Variants in SGCZ observed in about 807,000 individuals in gnomAD.
SGCZ encodes sarcoglycan zeta.
Under a neutral mutation model 41.3 loss-of-function variants are expected in SGCZ, and 40 were observed. The ratio of observed to expected loss-of-function variants is 0.97; its 90% CI spans 0.75 to 1.26. The LOEUF is 1.26. Ranked by LOEUF, SGCZ falls within the 50% of genes most tolerant of loss-of-function variation. The pLI, the probability that SGCZ is intolerant of heterozygous loss-of-function variation, is 0.00. For synonymous variants in SGCZ, 206 were observed against 137.5 expected (o/e 1.50, Z -3.49); for missense variants, 552 against 369.8 (o/e 1.49, Z -4.04).
rs185650473 is a variant in SGCZ, at chr8:14,648,020, A to G, written c.40-93094T>C. Among the ~76,000 whole-genome samples the G allele has an allele frequency of 1.9e-3, 295 of 152,112 alleles. 2 individuals carry two copies. Among genetic ancestry groups the G allele is most frequent in the African/African-American group, 6.8e-3 (284 of 41,538 alleles). Reference sequence around the variant, plus strand: ...GCAAAGAGGAGCCCTCATTTCCCAGAGGGAGGTACCCTGAACTTGACTTTG... The same window carrying G: ...GCAAAGAGGAGCCCTCATTTCCCAGGGGGAGGTACCCTGAACTTGACTTTG... On this transcript the variant is annotated intron_variant, in intron 1 of 7. Coordinates refer to ENST00000382080, the MANE Select transcript of SGCZ (RefSeq NM_139167.4).
intron 1 of SGCZ, among the ~76,000 whole-genome samples, chr8:14,580,636 T>A (rs775219121): frequency 5.3e-5 from 8 of 152,232 alleles, no homozygotes; most frequent in Non-Finnish European, 1.0e-4. Context: ...ATCAGAGTTA[T>A]CTTTATCAAT....
intron 5 of SGCZ, among the ~76,000 whole-genome samples, chr8:14,108,713 G>T (rs992516142): frequency 1.3e-5 from 2 of 152,194 alleles, no homozygotes; most frequent in African/African-American, 2.4e-5. Flanking sequence ...CCGTATCACA[G>T]GATATGAATG....
At chr8:14,199,129 T>G (rs1260719473) in intron 4 of SGCZ, among the ~76,000 whole-genome samples, 1 of 152,208 alleles carries the variant, frequency 6.6e-6, no homozygotes, top group African/African-American at 2.4e-5. Flanking sequence ...CATATTTCTC[T>G]TCTTTCAAAA....
At chr8:14,687,402 T>A (rs891910086) in intron 1 of SGCZ, among the ~76,000 whole-genome samples, 7 of 148,110 alleles carry the variant, frequency 4.7e-5, no homozygotes, top group Non-Finnish European at 1.0e-4. Context: ...TGTCCATGTG[T>A]TCTCATTGTT....
chr8:14,471,969 G>A (rs1399736127), intron 2 of SGCZ, among the ~76,000 whole-genome samples: 1 of 151,896 alleles, frequency 6.6e-6, no homozygotes, highest in African/African-American at 2.4e-5. Flanking sequence ...CTGAATTTCC[G>A]AATCTCATTT....
At chr8:14,456,343 G>C (rs539511287) in intron 2 of SGCZ, among the ~76,000 whole-genome samples, 39 of 152,302 alleles carry the variant, frequency 2.6e-4, no homozygotes, top group Non-Finnish European at 4.3e-4. Flanking sequence ...GGGAGGCAGA[G>C]GTTGCAGAGA....
At chr8:14,972,868 A>G (rs1310732380) in intron 1 of SGCZ, among the ~76,000 whole-genome samples, 1 of 152,192 alleles carries the variant, frequency 6.6e-6, no homozygotes, top group Non-Finnish European at 1.5e-5. Flanking sequence ...ACTTTTCTTT[A>G]AACAACTATA....
chr8:14,845,433 C>G (rs1458032278), intron 1 of SGCZ, among the ~76,000 whole-genome samples: 2 of 152,102 alleles, frequency 1.3e-5, no homozygotes, highest in Admixed American at 1.3e-4. Context: ...TTTCACAATG[C>G]CTGAAAACTA....
chr8:14,552,816 A>G (rs1163550230), intron 2 of SGCZ, among the ~76,000 whole-genome samples: 2 of 152,042 alleles, frequency 1.3e-5, no homozygotes, highest in Non-Finnish European at 2.9e-5. Context: ...TTTCCTAATT[A>G]ATTTAAATAT....
At chr8:14,251,598 A>G (rs1471827747) in intron 3 of SGCZ, among the ~76,000 whole-genome samples, 2 of 152,228 alleles carry the variant, frequency 1.3e-5, no homozygotes, top group African/African-American at 2.4e-5. Context: ...TTTGGAAACC[A>G]AAGTTATAGC....
At chr8:15,182,382 G>T (rs268362) in intron 1 of SGCZ, among the ~76,000 whole-genome samples, 1 of 151,812 alleles carries the variant, frequency 6.6e-6, no homozygotes, top group Non-Finnish European at 1.5e-5. Flanking sequence ...AACAACATAG[G>T]GTATACTTAA....
At chr8:14,335,812 T>G (rs533247977) in intron 2 of SGCZ, among the ~76,000 whole-genome samples, 23 of 152,280 alleles carry the variant, frequency 1.5e-4, no homozygotes, top group African/African-American at 4.8e-4. Flanking sequence ...TATTTGTTTG[T>G]GTGTCAGCTT....
intron 2 of SGCZ, among the ~76,000 whole-genome samples, chr8:14,325,612 A>C (rs1390625660): frequency 6.8e-6 from 1 of 147,188 alleles, no homozygotes; most frequent in African/African-American, 2.5e-5. Flanking sequence ...GATTATATAT[A>C]ATATATAGTT....
intron 3 of SGCZ, among the ~76,000 whole-genome samples, chr8:14,245,571 C>A (rs993491964): frequency 1.3e-5 from 2 of 152,068 alleles, no homozygotes; most frequent in Non-Finnish European, 1.5e-5. Flanking sequence ...AAAGCAATGG[C>A]AACAAAAGCC....
At chr8:14,347,106 T>TA (rs377544896) in intron 2 of SGCZ, among the ~76,000 whole-genome samples, 244 of 152,230 alleles carry the variant, frequency 1.6e-3, no homozygotes, top group African/African-American at 5.6e-3. Flanking sequence ...AATTTCCCAT[T>TA]AACATTCTAG....
intron 1 of SGCZ, among the ~76,000 whole-genome samples, chr8:15,109,980 A>G (rs1007728026): frequency 1.3e-5 from 2 of 152,240 alleles, no homozygotes; most frequent in African/African-American, 4.8e-5. Flanking sequence ...AAATAATTTT[A>G]AAAATAAAGG....
chr8:14,201,634 T>A (rs924544856), intron 4 of SGCZ, among the ~76,000 whole-genome samples: 60 of 151,966 alleles, frequency 3.9e-4, no homozygotes, highest in African/African-American at 1.3e-3. Flanking sequence ...GTCAGGGGAG[T>A]GGATGCTAGG....
At chr8:15,072,939 C>T (rs1339457970) in intron 1 of SGCZ, among the ~76,000 whole-genome samples, 1 of 152,124 alleles carries the variant, frequency 6.6e-6, no homozygotes, top group Non-Finnish European at 1.5e-5. Flanking sequence ...TGATTGTCCA[C>T]AGAGATGCAG....
At chr8:14,092,686 T>G (rs1417681762) in intron 7 of SGCZ, among the ~76,000 whole-genome samples, 2 of 152,036 alleles carry the variant, frequency 1.3e-5, no homozygotes, top group Non-Finnish European at 2.9e-5. Context: ...GTTCTCTCCT[T>G]CTCTCTTGCC....
Sources: gnomAD v4.1 joint callset for allele counts (sites outside exome capture counted in the v4.1 genomes callset) on GRCh38, gnomAD v4.1.1 for gene constraint, MANE v1.5 for transcripts, NCBI Gene and HGNC (gene_info 2026-07-23, HGNC 2026-07-21) for gene names.